CNTFR: variants seen among roughly 807,000 people sequenced by gnomAD.
CNTFR encodes ciliary neurotrophic factor receptor.
In CNTFR, 12 loss-of-function variants were observed where a neutral mutation model predicts 40.4. That is an observed-to-expected ratio of 0.30 (90% CI 0.19 to 0.48). The LOEUF (loss-of-function observed/expected upper bound fraction) is 0.48. CNTFR is among the 20% of genes least tolerant of loss of function. The pLI is 0.99. For synonymous variants in CNTFR, 202 were observed against 209.6 expected (o/e 0.96, Z 0.31); for missense variants, 414 against 506.8 (o/e 0.82, Z 1.76).
intron 3 of CNTFR, among the ~76,000 whole-genome samples, chr9:34,567,525 G>T (rs1328404269): frequency 1.3e-5 from 2 of 152,090 alleles, no homozygotes; most frequent in Admixed American, 6.5e-5. Flanking sequence ...TCACTTCAGG[G>T]ATGGTAACAC....
rs564620416 is a variant in CNTFR, at chr9:34,562,469, C to G, written c.319+2130G>C. On this transcript the variant is annotated intron_variant, in intron 4 of 9. Transcript: ENST00000378980. ...CCCATGGGGAAAGGTACATTCCCAC[C>G]AAAATACATTTTCACACCTCTTTAA... Among the ~76,000 whole-genome samples the G allele has an allele frequency of 7.9e-5, 12 of 152,296 alleles. No homozygotes were observed. In the South Asian group the frequency reaches 1.7e-3, roughly 21 times the overall value.
intron 1 of CNTFR, chr9:34,582,730 G>A (rs889358139): frequency 2.0e-5 from 3 of 152,274 alleles, no homozygotes; most frequent in African/African-American, 7.2e-5. Flanking sequence ...GGCTCAAAGG[G>A]AGGAAGACTG....
chr9:34,573,544 G>A (rs1458946666), intron 2 of CNTFR, among the ~76,000 whole-genome samples: 4 of 152,124 alleles, frequency 2.6e-5, no homozygotes, highest in Admixed American at 6.5e-5. Context: ...GAAGGTCACC[G>A]GATGGACTCC....
intron 1 of CNTFR, among the ~76,000 whole-genome samples, chr9:34,587,962 T>G (rs1424171600): frequency 1.3e-5 from 2 of 152,134 alleles, no homozygotes; most frequent in Non-Finnish European, 2.9e-5. Flanking sequence ...CCCCACAACG[T>G]AAGTGTCAGT....
At chr9:34,579,344 G>A (rs1368846590) in intron 2 of CNTFR, among the ~76,000 whole-genome samples, 2 of 152,014 alleles carry the variant, frequency 1.3e-5, no homozygotes, top group Non-Finnish European at 2.9e-5. Context: ...ATCAGGAGAC[G>A]CTTTTCTGAC....
Position 34,552,629 on chromosome 9 carries a change from CT to C in CNTFR, c.949+44del. On this transcript the variant is annotated intron_variant, in intron 8 of 9. Transcript: ENST00000378980. The surrounding 1 kb of genome is among the most constrained non-coding windows in gnomAD (Gnocchi z 5.1). ...CCAGGCCACAGGTTCTACCACAGGC[CT>C]CCAGGACAGCAAAGCCAGGAGGTAG... 1 of 1,592,822 alleles carries C rather than the reference CT, an allele frequency of 6.3e-7. No individual in the cohort carries two copies.
In CNTFR at chr9:34,589,303, C is replaced by T. The variant is rs1002973064; in HGVS notation, c.-112+252G>A. Among the ~76,000 whole-genome samples the T allele has an allele frequency of 5.9e-5, 9 of 152,240 alleles. No homozygotes were observed. The highest frequency in any genetic ancestry group is 3.9e-4 in the East Asian group (2 of 5,150). On this transcript the variant is annotated intron_variant, in intron 1 of 9. Transcript: ENST00000378980. This position sits in a 1 kb window ranked among gnomAD's most constrained non-coding sequence, Gnocchi z 4.4. ...TAGGACAAACCGCCGGAGCCACCTC[C>T]CTCTAGTCCACAGTCGGCCCCACCA...
intron 2 of CNTFR, among the ~76,000 whole-genome samples, chr9:34,575,874 T>G (rs1826936184): frequency 2.0e-5 from 3 of 152,242 alleles, no homozygotes; most frequent in African/African-American, 7.2e-5. Context: ...GCACGCTACT[T>G]CTGAGGAGCC....
At chr9:34,573,589 T>TCCA (rs1826789373) in intron 2 of CNTFR, among the ~76,000 whole-genome samples, 1 of 152,092 alleles carries the variant, frequency 6.6e-6, no homozygotes, top group Non-Finnish European at 1.5e-5. Flanking sequence ...GTTCAGAACA[T>TCCA]CCATCTGATG....
intron 2 of CNTFR, among the ~76,000 whole-genome samples, chr9:34,571,632 G>A (rs1216108279): frequency 1.3e-5 from 2 of 151,900 alleles, no homozygotes; most frequent in African/African-American, 2.4e-5. Context: ...CATCAAAGTC[G>A]CCTCCATCAG....
chr9:34,567,307 C>A (rs1163069335), intron 3 of CNTFR, among the ~76,000 whole-genome samples: 1 of 152,128 alleles, frequency 6.6e-6, no homozygotes, highest in Non-Finnish European at 1.5e-5. Flanking sequence ...CACAGAGGGA[C>A]AGAGCTGACG....
At chr9:34,554,014 C>A (rs545366003) in intron 7 of CNTFR, among the ~76,000 whole-genome samples, 7 of 152,106 alleles carry the variant, frequency 4.6e-5, no homozygotes, top group Non-Finnish European at 1.0e-4. Context: ...TGGGTCCAAG[C>A]GGGGCAGGAA....
At position 34,566,729 on chromosome 9, in the gene CNTFR, C is replaced by T. The variant is rs16931624; in HGVS notation, c.86-1897G>A. On this transcript the variant is annotated intron_variant, in intron 3 of 9. Coordinates refer to ENST00000378980, the MANE Select transcript of CNTFR (RefSeq NM_147164.3). ...CATCAACACTGACCAGGCAGCTCAA[C>T]GCTAACGTGGACCCAGTGTGGCCCT... 2.4e-3 allele frequency among the ~76,000 whole-genome samples: 364 copies of T among 152,258 alleles called. 6 individuals carry two copies. The East Asian group carries it at 0.064, about 27-fold the overall frequency.
intron 1 of CNTFR, among the ~76,000 whole-genome samples, chr9:34,583,823 C>T (rs1405738734): frequency 6.6e-6 from 1 of 152,184 alleles, no homozygotes; most frequent in Non-Finnish European, 1.5e-5. Context: ...GCCCAGCCCC[C>T]CATCCCGCAA....
chr9:34,555,351 G>C (rs1220664510), intron 7 of CNTFR, among the ~76,000 whole-genome samples: 1 of 152,104 alleles, frequency 6.6e-6, no homozygotes. Context: ...GAGCCTGGTA[G>C]ATGAGGTGGG....
chr9:34,586,127 T>A (rs1321675706), intron 1 of CNTFR, among the ~76,000 whole-genome samples: 2 of 152,118 alleles, frequency 1.3e-5, no homozygotes, highest in Non-Finnish European at 2.9e-5. Flanking sequence ...CCCACTGATG[T>A]TCATAGCAGC....
chr9:34,574,193 G>A (rs1407841201), intron 2 of CNTFR, among the ~76,000 whole-genome samples: 2 of 152,214 alleles, frequency 1.3e-5, no homozygotes, highest in East Asian at 1.9e-4. Flanking sequence ...GGCCCGGCAG[G>A]CCCCTCACCA....
chr9:34,582,161 G>A (rs953412638), intron 1 of CNTFR, among the ~76,000 whole-genome samples: 4 of 151,916 alleles, frequency 2.6e-5, no homozygotes, highest in Admixed American at 2.0e-4. Flanking sequence ...TGTGGTTCCA[G>A]CTACTCCTGA....
chr9:34,586,908 C>A (rs1827570743), intron 1 of CNTFR, among the ~76,000 whole-genome samples: 1 of 152,214 alleles, frequency 6.6e-6, no homozygotes, highest in African/African-American at 2.4e-5. Flanking sequence ...CCGATACTCA[C>A]CACAAACCAA....
Sources: allele counts gnomAD v4.1 joint callset (sites outside exome capture counted in the v4.1 genomes callset), GRCh38; gene constraint gnomAD v4.1.1; non-coding constraint Gnocchi (gnomAD v3.1); transcripts MANE v1.5; gene names NCBI Gene and HGNC (gene_info 2026-07-23, HGNC 2026-07-21).